MAP4K2: variants seen among roughly 807,000 people sequenced by gnomAD.
MAP4K2 encodes B lymphocyte serine/threonine protein kinase.
MAP4K2 carries 85 observed loss-of-function variants against 125.3 expected under a neutral mutation model. The observed-to-expected ratio is 0.68, with a 90% CI of 0.57 to 0.81. The LOEUF is 0.81. MAP4K2 is among the 40% of genes least tolerant of loss of function. The pLI is 0.00. For missense variants in MAP4K2, 923 were observed against 1,056.4 expected, an observed-to-expected ratio of 0.87 and a Z score of 1.75; for synonymous variants, 479 against 445.1, an observed-to-expected ratio of 1.08 and a Z score of -0.96.
intron 21 of MAP4K2, 24 bp from the exon 22 acceptor site, chr11:64,796,737 G>A (rs1339486203): frequency 1.9e-6 from 3 of 1,613,796 alleles, no homozygotes; most frequent in African/African-American, 2.7e-5. Context: ...CATGGGGTCA[G>A]AGGTCAGACA....
chr11:64,800,859 C>A (rs775129304), intron 9 of MAP4K2, 33 bp from the exon 10 acceptor site: 2 of 1,613,762 alleles, frequency 1.2e-6, no homozygotes, highest in Non-Finnish European at 1.7e-6. Context: ...GGCCACAGGC[C>A]GCAGATCAAG....
intron 14 of MAP4K2, among the ~76,000 whole-genome samples, chr11:64,799,125 G>A (rs1224303262): frequency 6.6e-6 from 1 of 152,226 alleles, no homozygotes; most frequent in East Asian, 1.9e-4. Context: ...GGACACACAG[G>A]TGGGAAAACG....
In MAP4K2 at chr11:64,801,399, C is replaced by T. The variant is rs556817883; in HGVS notation, c.457+180G>A. 3.3e-5 allele frequency among the ~76,000 whole-genome samples: 5 copies of T among 152,308 alleles called. No homozygotes were observed. In the South Asian group the frequency reaches 6.2e-4, roughly 19 times the overall value. On this transcript the variant is annotated intron_variant, in intron 7 of 31. Transcript: ENST00000294066. Reference sequence around the variant, plus strand: ...GGAGTGCCTGGTCCCATGTCAACTCCGTGCAGACCCAACCTCCTCTATTTT... The same window carrying T: ...GGAGTGCCTGGTCCCATGTCAACTCTGTGCAGACCCAACCTCCTCTATTTT...
chr11:64,792,475 C>G, intron 24 of MAP4K2, 53 bp from the exon 25 acceptor site: 1 of 1,479,822 alleles, frequency 6.8e-7, no homozygotes, highest in South Asian at 1.2e-5. Context: ...ATGGGCAAGG[C>G]CCCTGCAGAG....
chr11:64,801,985 C>T lies in MAP4K2; in HGVS notation c.366+81G>A, dbSNP rs1392933216. The T allele has an allele frequency of 1.3e-5, 19 of 1,449,240 alleles. No individual in the cohort carries two copies. In the African/African-American group the frequency reaches 1.4e-4, roughly 11 times the overall value. The allele number at this position is 1,449,240 out of a possible 1,614,324, so 89.8% of individuals were successfully genotyped here. A position where few individuals can be genotyped will look rare whatever the true frequency, so the allele number is the denominator to read the frequency against. ...GCCAGCCCCACCCGAGGCACTCCAC[C>T]CGCCTCCCTGCTGGTCATCTGGGCT... On this transcript the variant is annotated intron_variant, in intron 5 of 31. Transcript: ENST00000294066.
rs766775308 is a variant in MAP4K2, at chr11:64,799,660, G to T, written c.939C>A (p.Thr313=). 1 of 1,613,870 alleles carries T rather than the reference G, an allele frequency of 6.2e-7. No individual in the cohort carries two copies. Among genetic ancestry groups the T allele is most frequent in the Non-Finnish European group, 8.5e-7 (1 of 1,179,996 alleles). Residue 313 remains threonine, a synonymous_variant, in exon 13 of 32, where the codon ACC becomes ACA. Coordinates refer to ENST00000294066, the MANE Select transcript of MAP4K2 (RefSeq NM_004579.5). The part of the protein sequence containing the change: ...ELETYDMFPD[T]IHSRGQHGPA... ...GGCCGTGCTGCCCCCGGGAGTGAAT[G>T]GTGTCTGGAAACATGTCATAGGTCT...
In MAP4K2 at chr11:64,790,158, A is replaced by G. The variant is rs771642278; in HGVS notation, c.2248+30T>C. The stretch of plus-strand genomic sequence containing the variant: ...CAACAACGTGCTCCAGGCCAGGGAA[A>G]GGCCTGCACCCCACCTCTGGCTCAC... On this transcript the variant is annotated intron_variant, in intron 29 of 31. Transcript: ENST00000294066. 70 of 1,611,310 alleles carry G rather than the reference A, an allele frequency of 4.3e-5. 2 individuals carry two copies. The Middle Eastern group carries it at 5.0e-4, about 11-fold the overall frequency.
Position 64,792,455 on chromosome 11 carries a change from G to A in MAP4K2, c.1752-33C>T, listed in dbSNP as rs1344037739. The A allele has an allele frequency of 1.9e-6, 3 of 1,559,692 alleles. No individual in the cohort carries two copies. The East Asian group carries it at 7.1e-5, about 37-fold the overall frequency. On this transcript the variant is annotated intron_variant, in intron 24 of 31. Coordinates refer to ENST00000294066, the MANE Select transcript of MAP4K2 (RefSeq NM_004579.5). Reference sequence around the variant, plus strand: ...GGTGATAACCAGGGCCTGTGTCTGGGATGCCATCCATGGGCAAGGCCCCTG... The same window carrying A: ...GGTGATAACCAGGGCCTGTGTCTGGAATGCCATCCATGGGCAAGGCCCCTG...
Position 64,787,001 on chromosome 11 carries a change from A to G in MAP4K2, c.*2536T>C, listed in dbSNP as rs1386564080. ...GTGCATGTGATAATTTAATACATTC[A>G]TATTCTCCAGGATATATATATATTT... On this transcript the variant is annotated 3_prime_UTR_variant, in exon 32 of 32. Transcript: ENST00000294066. 1.3e-5 allele frequency: 2 copies of G among 150,220 alleles called. No individual in the cohort carries two copies. Among genetic ancestry groups the G allele is most frequent in the Non-Finnish European group, 3.0e-5 (2 of 67,610 alleles). 9.3% of individuals were successfully genotyped at this position (150,220 alleles called of 1,614,324 possible).
intron 24 of MAP4K2, among the ~76,000 whole-genome samples, chr11:64,795,081 A>AT (rs141351266): frequency 0.033 from 4,052 of 121,682 alleles, 177 homozygotes; most frequent in African/African-American, 0.088. Flanking sequence ...TAAGTTTTCG[A>AT]TTTTTTTTTT....
chr11:64,794,253 C>G (rs899392635), intron 24 of MAP4K2, among the ~76,000 whole-genome samples: 2 of 152,254 alleles, frequency 1.3e-5, no homozygotes, highest in Non-Finnish European at 2.9e-5. Context: ...TCCTGACACC[C>G]AGGCCAAAAA....
chr11:64,788,462 C>G lies in MAP4K2; in HGVS notation c.*1075G>C, dbSNP rs554196869. ...GCCCTGGCATTCAGAGCTGAGCAGACAGACCCTTGGAGAATGACAGCGTAA... is the reference window on the plus strand; with the variant it reads ...GCCCTGGCATTCAGAGCTGAGCAGAGAGACCCTTGGAGAATGACAGCGTAA... On this transcript the variant is annotated 3_prime_UTR_variant, in exon 32 of 32. Transcript: ENST00000294066. 1.3e-5 allele frequency: 2 copies of G among 152,302 alleles called. No homozygotes were observed. The highest frequency in any genetic ancestry group is 6.5e-5 in the Admixed American group (1 of 15,304). The allele number at this position is 152,302 out of a possible 1,614,324, so 9.4% of individuals were successfully genotyped here.
intron 4 of MAP4K2, 137 bp from the exon 5 acceptor site, chr11:64,802,258 G>C (rs1177308450): frequency 5.6e-6 from 6 of 1,066,898 alleles, no homozygotes; most frequent in Non-Finnish European, 8.3e-6. Flanking sequence ...TTTAGTCTAG[G>C]ATACTGAACC....
chr11:64,796,208 A>G, intron 24 of MAP4K2, 65 bp downstream of exon 24: 7 of 1,387,474 alleles, frequency 5.0e-6, no homozygotes, highest in Non-Finnish European at 6.9e-6. Flanking sequence ...GGAACTGGCA[A>G]GGCCATGTTC....
chr11:64,790,527 G>A lies in MAP4K2; in HGVS notation c.2093-65C>T, dbSNP rs568345409. The A allele has an allele frequency of 7.1e-5, 106 of 1,488,030 alleles. No homozygotes were observed. The African/African-American group carries it at 1.2e-3, about 17-fold the overall frequency. 92.2% of individuals were successfully genotyped at this position (1,488,030 alleles called of 1,614,324 possible). A position where few individuals can be genotyped will look rare whatever the true frequency, so the allele number is the denominator to read the frequency against. ...CAGTCCCCCAACCCCAAGAGGATAC[G>A]GGGGCCAGGCTACAGACAGCCCTTG... On this transcript the variant is annotated intron_variant, in intron 27 of 31. Transcript: ENST00000294066.
Position 64,800,177 on chromosome 11 carries a change from TGAGGAGGGCCC to T in MAP4K2, c.836_846del (p.Arg279HisfsTer9). On this transcript the variant is annotated frameshift_variant, in exon 12 of 32. Coordinates refer to ENST00000294066, the MANE Select transcript of MAP4K2 (RefSeq NM_004579.5). LOFTEE classifies it high-confidence loss of function. ...TCACTGGCTTTGTCCAGCAGCTGTGTGAGGAGGGCCCGAGGGAGCTGCTGAGTCGTGAACGG... is the reference window on the plus strand; with the variant it reads ...TCACTGGCTTTGTCCAGCAGCTGTGTGAGGGAGCTGCTGAGTCGTGAACGG... 1 of 1,613,188 alleles carries T rather than the reference TGAGGAGGGCCC, an allele frequency of 6.2e-7. No homozygotes were observed.
At chr11:64,800,035 C>T (rs1275630621) in intron 12 of MAP4K2, 74 bp downstream of exon 12, 3 of 1,259,228 alleles carry the variant, frequency 2.4e-6, no homozygotes, top group African/African-American at 3.0e-5. Context: ...GTTAAAGGAC[C>T]TCCACCAACA....
Position 64,789,256 on chromosome 11 carries a change from T to G in MAP4K2, c.*281A>C. The G allele has an allele frequency of 2.0e-6, 1 of 501,584 alleles. No homozygotes were observed. The highest frequency in any genetic ancestry group is 3.4e-5 in the Admixed American group (1 of 29,746). 31.1% of individuals were successfully genotyped at this position (501,584 alleles called of 1,614,324 possible). A position where few individuals can be genotyped will look rare whatever the true frequency, so the allele number is the denominator to read the frequency against. Reference sequence around the variant, plus strand: ...AAAGGAAATGTGGAACAAAATGGAATGGATGGCCCAGGCCCAGGGTCCCTG... The same window carrying G: ...AAAGGAAATGTGGAACAAAATGGAAGGGATGGCCCAGGCCCAGGGTCCCTG... On this transcript the variant is annotated 3_prime_UTR_variant, in exon 32 of 32. Transcript: ENST00000294066.
At position 64,802,612 on chromosome 11, in the gene MAP4K2, G is replaced by A. The variant is rs763601417; in HGVS notation, c.196C>T (p.Arg66Cys). 6.8e-6 allele frequency: 11 copies of A among 1,612,030 alleles called. No homozygotes were observed. The highest frequency in any genetic ancestry group is 6.8e-6 in the Non-Finnish European group (8 of 1,179,056). Residue 66 changes from arginine to cysteine, a missense_variant, in exon 3 of 32, where the codon CGT (arginine) becomes TGT (cysteine). This residue lies in a region of MAP4K2 where 833 missense variants were observed against 911.4 expected (regional missense o/e 0.91). Coordinates refer to ENST00000294066, the MANE Select transcript of MAP4K2 (RefSeq NM_004579.5). ...ACCACATTGGGGTGGCGGCACTCACGCAGGATGGTGATTTCCTGCTGGAGG... is the reference window on the plus strand; with the variant it reads ...ACCACATTGGGGTGGCGGCACTCACACAGGATGGTGATTTCCTGCTGGAGG... ...SSLQQEITIL[R>C]ECRHPNVVAY...
Sources: gnomAD v4.1 joint callset for allele counts (sites outside exome capture counted in the v4.1 genomes callset) on GRCh38, gnomAD v4.1.1 for gene constraint, gnomAD v4.1.1 regional missense constraint, MANE v1.5 for transcripts, NCBI Gene and HGNC (gene_info 2026-07-23, HGNC 2026-07-21) for gene names.